CLCN5: variants seen among roughly 807,000 people sequenced by gnomAD.
CLCN5 encodes the protein Cl-/H+ antiporter 5.
A neutral mutation model predicts 54.0 loss-of-function variants in CLCN5; 17 were observed. The ratio of observed to expected loss-of-function variants is 0.31; its 90% CI spans 0.22 to 0.47. CLCN5 has a LOEUF of 0.47. CLCN5 is among the 20% of genes least tolerant of loss of function. The probability of loss-of-function intolerance (pLI) is 1.00; values close to 1 mark genes in which losing one functional copy is unlikely to be tolerated. For synonymous variants in CLCN5, 222 were observed against 233.0 expected, an observed-to-expected ratio of 0.95 and a Z score of 0.43; for missense variants, 448 against 646.7, an observed-to-expected ratio of 0.69 and a Z score of 3.33.
chrX:50,074,535 G>A (rs1933334968), intron 6 of CLCN5, among the ~76,000 whole-genome samples: 1 of 112,030 alleles, frequency 8.9e-6, no homozygotes, highest in Admixed American at 9.5e-5. Flanking sequence ...AGGCAGAGAA[G>A]ATTGTGGACC....
chrX:49,941,447 C>T (rs781855506), intron 3 of CLCN5, among the ~76,000 whole-genome samples: 3 of 111,659 alleles, frequency 2.7e-5, no homozygotes, highest in East Asian at 5.6e-4. Context: ...ATCCTCCGTG[C>T]AGGGCAGTCA....
At chrX:50,077,990 T>C (rs1306079654) in intron 7 of CLCN5, among the ~76,000 whole-genome samples, 1 of 103,142 alleles carries the variant, frequency 9.7e-6, no homozygotes, top group Non-Finnish European at 2.0e-5. Context: ...ATCGCACCAC[T>C]GCACTCCAGC....
intron 3 of CLCN5, among the ~76,000 whole-genome samples, chrX:49,945,140 C>G (rs1286085479): frequency 8.9e-6 from 1 of 111,865 alleles, no homozygotes; most frequent in Admixed American, 9.5e-5. Flanking sequence ...CTCCTAATTC[C>G]TTAAGTAGAG....
chrX:50,013,966 G>A (rs1291693832), intron 3 of CLCN5, among the ~76,000 whole-genome samples: 2 of 112,144 alleles, frequency 1.8e-5, no homozygotes, highest in African/African-American at 6.5e-5. Flanking sequence ...AAACTAACCT[G>A]TCAGAGATGC....
In CLCN5 at chrX:50,092,244, C is replaced by T. The variant is rs373008304; in HGVS notation, c.*25C>T. The stretch of plus-strand genomic sequence containing the variant: ...GAATCATAGAGTTCTGGATGTAAAG[C>T]GGGAAGGACATTACAGACCATGGAT... On this transcript the variant is annotated 3_prime_UTR_variant, in exon 15 of 15. Coordinates refer to ENST00000376091, the MANE Select transcript of CLCN5 (RefSeq NM_001127898.4). 1.5e-4 allele frequency: 158 copies of T among 1,036,031 alleles called. No homozygotes were observed. In the Admixed American group the frequency reaches 2.4e-3, roughly 16 times the overall value. The allele number at this position is 1,036,031 out of a possible 1,213,427, so 85.4% of individuals were successfully genotyped here. A position where few individuals can be genotyped will look rare whatever the true frequency, so the allele number is the denominator to read the frequency against.
intron 3 of CLCN5, among the ~76,000 whole-genome samples, chrX:49,999,516 T>C (rs1475517669): frequency 9.1e-6 from 1 of 109,749 alleles, no homozygotes; most frequent in Non-Finnish European, 1.9e-5. Flanking sequence ...TGTACACACA[T>C]GTACACCACG....
chrX:50,035,281 C>T (rs1208643405), intron 3 of CLCN5, among the ~76,000 whole-genome samples: 1 of 111,317 alleles, frequency 9.0e-6, no homozygotes, highest in Non-Finnish European at 1.9e-5. Context: ...AAGTAATAAA[C>T]TCTTTTTATC....
intron 4 of CLCN5, chrX:50,067,562 C>T: frequency 4.0e-6 from 3 of 751,440 alleles, no homozygotes; most frequent in Non-Finnish European, 4.7e-6. Context: ...AGTGACATCA[C>T]ATTCTGACCG....
rs781979375 is a variant in CLCN5 at position 49,942,767 on chromosome X, G to A, written c.16+17453G>A. On this transcript the variant is annotated intron_variant, in intron 3 of 14. Coordinates refer to ENST00000376091, the MANE Select transcript of CLCN5 (RefSeq NM_001127898.4). ...TTTTATGGCTGCATAGTATCCCATC[G>A]TGCATATGTGTCACATTTTCTTAAT... Among the ~76,000 whole-genome samples the A allele has an allele frequency of 3.6e-5, 4 of 110,570 alleles. No homozygotes were observed. In the South Asian group the frequency reaches 1.2e-3, roughly 33 times the overall value.
chrX:49,975,992 A>G (rs1394425638), intron 3 of CLCN5, among the ~76,000 whole-genome samples: 1 of 111,612 alleles, frequency 9.0e-6, no homozygotes, highest in Non-Finnish European at 1.9e-5. Context: ...ACTGGCATCT[A>G]GTGGGTGGAG....
intron 6 of CLCN5, among the ~76,000 whole-genome samples, chrX:50,073,206 C>T (rs188065234): frequency 4.2e-3 from 474 of 111,705 alleles, no homozygotes; most frequent in Middle Eastern, 0.014. Context: ...GAAGGTTTCT[C>T]ACCCGGTGGG....
chrX:49,980,253 T>C lies in CLCN5; in HGVS notation c.16+54939T>C, dbSNP rs1371038301. 3.6e-5 allele frequency among the ~76,000 whole-genome samples: 4 copies of C among 111,355 alleles called. 1 individual carries two copies. Among genetic ancestry groups the C allele is most frequent in the African/African-American group, 1.3e-4 (4 of 30,726 alleles). On this transcript the variant is annotated intron_variant, in intron 3 of 14. Transcript: ENST00000376091. ...CTCTGTTGAAAGCTCTGTTTCTCAC[T>C]AAAGCCTATATTGGCTTTAGTGAAG...
intron 3 of CLCN5, among the ~76,000 whole-genome samples, chrX:50,011,641 T>C (rs1316008484): frequency 1.8e-5 from 2 of 112,378 alleles, no homozygotes; most frequent in Non-Finnish European, 3.8e-5. Context: ...TGAGCTTCCT[T>C]AACTCCCTTA....
At chrX:50,009,384 A>G (rs1432572872) in intron 3 of CLCN5, among the ~76,000 whole-genome samples, 3 of 111,701 alleles carry the variant, frequency 2.7e-5, no homozygotes, top group Non-Finnish European at 3.8e-5. Flanking sequence ...AAGTATCCCA[A>G]TTTTCTGTAC....
At chrX:49,996,341 T>C in intron 3 of CLCN5, among the ~76,000 whole-genome samples, 1 of 112,050 alleles carries the variant, frequency 8.9e-6, no homozygotes, top group African/African-American at 3.2e-5. Flanking sequence ...CAGGCCCTCC[T>C]GAACTCTCTC....
At chrX:50,002,675 CTCTCTCTGTG>C (rs1280183349) in intron 3 of CLCN5, among the ~76,000 whole-genome samples, 1 of 100,022 alleles carries the variant, frequency 1.0e-5, no homozygotes, top group Non-Finnish European at 2.0e-5. Context: ...CTCTCTCTCT[CTCTCTCTGTG>C]TGTGTGTGTG....
At chrX:49,977,192 C>CT (rs1557177036) in intron 3 of CLCN5, among the ~76,000 whole-genome samples, 1 of 110,406 alleles carries the variant, frequency 9.1e-6, no homozygotes, top group African/African-American at 3.3e-5. Flanking sequence ...TAGAGTGTAT[C>CT]TATTTTGAGG....
intron 1 of CLCN5, 89 bp from the exon 2 acceptor site, chrX:49,923,318 C>T (rs1290756960): frequency 8.8e-6 from 1 of 113,136 alleles, no homozygotes; most frequent in African/African-American, 3.2e-5. Flanking sequence ...TCTCTCCAGA[C>T]TTTCGAGCCT....
chrX:50,053,821 T>A (rs1217074847), intron 4 of CLCN5, among the ~76,000 whole-genome samples: 1 of 112,033 alleles, frequency 8.9e-6, no homozygotes, highest in Admixed American at 9.6e-5. Context: ...TTTCCAGCTA[T>A]TTTTCTGTTA....
Sources: gnomAD v4.1 joint callset for allele counts (sites outside exome capture counted in the v4.1 genomes callset) on GRCh38, gnomAD v4.1.1 for gene constraint, MANE v1.5 for transcripts, NCBI Gene and HGNC (gene_info 2026-07-23, HGNC 2026-07-21) for gene names.